The following CELA1 variants were observed in gnomAD, a reference collection of about 807,000 sequenced individuals.
The protein encoded by CELA1 is chymotrypsin-like elastase family member 1.
CELA1 carries 28 observed loss-of-function variants against 34.8 expected under a neutral mutation model. The ratio of observed to expected loss-of-function variants is 0.80; its 90% confidence interval spans 0.60 to 1.10. The LOEUF is 1.10. Ranked by LOEUF, CELA1 falls within the 50% of genes least tolerant of loss-of-function variation. The pLI is 0.00. For synonymous variants in CELA1, 140 were observed against 129.8 expected (o/e 1.08, Z -0.53); for missense variants, 288 against 327.5 (o/e 0.88, Z 0.93).
chr12:51,339,795 A>AAGAGGGGTGGAGGGATAGGC (rs1243539078), intron 6 of CELA1, 65 bp downstream of exon 6: 7 of 1,532,304 alleles, frequency 4.6e-6, no homozygotes, highest in Non-Finnish European at 6.3e-6. Context: ...GGAGGTGAGG[A>AAGAGGGGTGGAGGGATAGGC]AGAGGGGTGG....
At chr12:51,343,877 G>A (rs780049065) in intron 2 of CELA1, 24 bp from the exon 3 acceptor site, 11 of 1,300,026 alleles carry the variant, frequency 8.5e-6, no homozygotes, top group Non-Finnish European at 1.0e-5. Flanking sequence ...AAAGAAAGAA[G>A]GGATAGGTTG....
intron 6 of CELA1, among the ~76,000 whole-genome samples, chr12:51,330,073 T>G (rs970125352): frequency 6.6e-6 from 1 of 152,184 alleles, no homozygotes; most frequent in Non-Finnish European, 1.5e-5. Flanking sequence ...GTTTCATAAT[T>G]TGTTTGTACC....
intron 6 of CELA1, among the ~76,000 whole-genome samples, chr12:51,338,396 G>A (rs1417413028): frequency 6.6e-6 from 1 of 151,784 alleles, no homozygotes; most frequent in African/African-American, 2.4e-5. Context: ...TCGGCTTGTG[G>A]ACCTCCAGCC....
At position 51,328,544 on chromosome 12, in the gene CELA1, A is replaced by G. The variant is rs754975363; in HGVS notation, c.*33T>C. 6 of 1,613,306 alleles carry G rather than the reference A, an allele frequency of 3.7e-6. No individual in the cohort carries two copies. The African/African-American group carries it at 8.0e-5, about 22-fold the overall frequency. On this transcript the variant is annotated 3_prime_UTR_variant, in exon 8 of 8. Coordinates refer to ENST00000293636, the MANE Select transcript of CELA1 (RefSeq NM_001971.6). Reference sequence around the variant, plus strand: ...AAGTCCTACTGCAGATCTAAGAACCATTTTGGGAAGGTCGTTGGACTCAGG... The same window carrying G: ...AAGTCCTACTGCAGATCTAAGAACCGTTTTGGGAAGGTCGTTGGACTCAGG...
At chr12:51,337,798 T>G (rs1337277687) in intron 6 of CELA1, among the ~76,000 whole-genome samples, 3 of 151,502 alleles carry the variant, frequency 2.0e-5, no homozygotes, top group Non-Finnish European at 4.4e-5. Context: ...TAGTCCCAGC[T>G]ACTAGGGAGG....
chr12:51,344,283 A>C (rs369808919), intron 2 of CELA1, among the ~76,000 whole-genome samples: 1 of 152,200 alleles, frequency 6.6e-6, no homozygotes, highest in Non-Finnish European at 1.5e-5. Flanking sequence ...GTGTACATGG[A>C]TGGAGGAGTA....
chr12:51,342,782 T>A, intron 3 of CELA1, 82 bp from the exon 4 acceptor site: 5 of 1,400,124 alleles, frequency 3.6e-6, no homozygotes, highest in Non-Finnish European at 3.8e-6. Context: ...TGAAAAACCA[T>A]CTTTTTTTTT....
chr12:51,329,306 G>C (rs1475526805), intron 7 of CELA1, among the ~76,000 whole-genome samples: 1 of 149,274 alleles, frequency 6.7e-6, no homozygotes, highest in African/African-American at 2.5e-5. Flanking sequence ...TCCTTAGAAA[G>C]ACGTTGTGGG....
Position 51,341,092 on chromosome 12 carries a change from G to GA in CELA1, c.463+151_463+152insT. 3 of 706,882 alleles carry GA rather than the reference G, an allele frequency of 4.2e-6. No individual in the cohort carries two copies. In the East Asian group the frequency reaches 7.9e-5, roughly 19 times the overall value. 43.8% of individuals were successfully genotyped at this position (706,882 alleles called of 1,614,324 possible). On this transcript the variant is annotated intron_variant, in intron 5 of 7. Transcript: ENST00000293636. ...TCAACTACTTCACAGCCCATTCTTA[G>GA]CTTGATATAATGCATCAGTTATTGT... is the stretch of plus-strand genomic sequence containing the variant.
At chr12:51,342,795 T>C in intron 3 of CELA1, 95 bp from the exon 4 acceptor site, 1 of 1,358,472 alleles carries the variant, frequency 7.4e-7, no homozygotes. Context: ...TTTTTTTTAA[T>C]CATTATTATT....
At chr12:51,332,230 C>T (rs1468776546) in intron 6 of CELA1, among the ~76,000 whole-genome samples, 1 of 151,110 alleles carries the variant, frequency 6.6e-6, no homozygotes, top group Non-Finnish European at 1.5e-5. Context: ...AAAAGTAAAC[C>T]TAGAATATAT....
chr12:51,341,649 G>A (rs1946536149), intron 4 of CELA1, among the ~76,000 whole-genome samples: 1 of 152,112 alleles, frequency 6.6e-6, no homozygotes, highest in Admixed American at 6.6e-5. Flanking sequence ...GAGAATGGGG[G>A]AATCTGAAAG....
chr12:51,330,786 C>T (rs1230288253), intron 6 of CELA1, among the ~76,000 whole-genome samples: 5 of 149,628 alleles, frequency 3.3e-5, no homozygotes, highest in Non-Finnish European at 7.4e-5. Context: ...CTGGCTAACA[C>T]GGTGAAACCC....
intron 6 of CELA1, among the ~76,000 whole-genome samples, chr12:51,339,305 C>A (rs1386422254): frequency 6.6e-6 from 1 of 152,210 alleles, no homozygotes; most frequent in Admixed American, 6.5e-5. Flanking sequence ...AGTCCCAGCA[C>A]TTTGGGAGGC....
In CELA1 at chr12:51,339,897, A is replaced by G; in HGVS notation, c.572T>C (p.Val191Ala). 2 of 1,614,076 alleles carry G rather than the reference A, an allele frequency of 1.2e-6. No homozygotes were observed. Among genetic ancestry groups the G allele is most frequent in the Non-Finnish European group, 1.7e-6 (2 of 1,179,996 alleles). ...YWGSTVKNTM[V>A]CAGGDGVRSG... ...GCGAACTCCATCTCCACCAGCACAC[A>G]CCATGGTGTTCTTCACAGTGGAGCC... Residue 191 changes from valine (V) to alanine (A), a missense_variant, in exon 6 of 8, where the codon GTG becomes GCG. Coordinates refer to ENST00000293636, the MANE Select transcript of CELA1 (RefSeq NM_001971.6).
rs1285321444 is a variant in CELA1 at position 51,328,613 on chromosome 12, T to C, written c.760-19A>G. 11 of 1,612,468 alleles carry C rather than the reference T, an allele frequency of 6.8e-6. No homozygotes were observed. Among genetic ancestry groups the C allele is most frequent in the Non-Finnish European group, 8.5e-6 (10 of 1,179,298 alleles). ...CGATGACCTGAAGGAAAGACAGTTA[T>C]GTCCACAGTCAGTAACTCCTGCCTA... is the stretch of plus-strand genomic sequence containing the variant. On this transcript the variant is annotated intron_variant, in intron 7 of 7. Coordinates refer to ENST00000293636, the MANE Select transcript of CELA1 (RefSeq NM_001971.6).
chr12:51,338,697 A>T (rs990712485), intron 6 of CELA1, among the ~76,000 whole-genome samples: 1 of 152,146 alleles, frequency 6.6e-6, no homozygotes, highest in African/African-American at 2.4e-5. Flanking sequence ...ACAATGTTCT[A>T]TTGTATGTCT....
chr12:51,328,681 T>G, intron 7 of CELA1, 87 bp from the exon 8 acceptor site: 4 of 1,468,324 alleles, frequency 2.7e-6, no homozygotes, highest in Non-Finnish European at 3.8e-6. Flanking sequence ...AAGTATGGTT[T>G]TGTACTGGGT....
intron 6 of CELA1, among the ~76,000 whole-genome samples, chr12:51,334,366 C>A (rs1946489132): frequency 6.6e-6 from 1 of 152,142 alleles, no homozygotes; most frequent in African/African-American, 2.4e-5. Context: ...AAGTCTAGGG[C>A]AAACTAGGAT....
Sources: allele counts gnomAD v4.1 joint callset (sites outside exome capture counted in the v4.1 genomes callset), GRCh38; gene constraint gnomAD v4.1.1; transcripts MANE v1.5; gene names NCBI Gene and HGNC (gene_info 2026-07-23, HGNC 2026-07-21).